URI1: variants seen among roughly 807,000 people sequenced by gnomAD.
URI1 encodes unconventional prefoldin RPB5 interactor 1.
URI1 carries 39 observed loss-of-function variants against 60.2 expected under a neutral mutation model. The ratio of observed to expected loss-of-function variants is 0.65; its 90% confidence interval spans 0.50 to 0.85. The LOEUF is 0.85. URI1 is among the 40% of genes least tolerant of loss of function. The pLI, the probability that URI1 is intolerant of heterozygous loss-of-function variation, is 0.00. For missense variants in URI1, 691 were observed against 665.9 expected, an observed-to-expected ratio of 1.04 and a Z score of -0.42; for synonymous variants, 251 against 236.8, an observed-to-expected ratio of 1.06 and a Z score of -0.55.
At position 29,942,565 on chromosome 19, in the gene URI1, G is replaced by A. The variant is rs777063203; in HGVS notation, c.18G>A (p.Val6=). The part of the protein sequence containing the change: MEAPT[V]ETPPDPSPPS... ...GGCCCGTCATGGAGGCGCCCACCGT[G>A]GAGACGCCCCCCGACCCCTCGCCCC... The change falls in exon 1 of 11, where the codon GTG becomes GTA. Residue 6 remains valine, a synonymous_variant. Coordinates refer to ENST00000392271, the MANE Select transcript of URI1 (RefSeq NM_003796.3). The A allele has an allele frequency of 2.1e-6, 3 of 1,422,770 alleles. No homozygotes were observed. Among genetic ancestry groups the A allele is most frequent in the Non-Finnish European group, 2.8e-6 (3 of 1,089,256 alleles). 88.1% of individuals were successfully genotyped at this position (1,422,770 alleles called of 1,614,324 possible).
intron 1 of URI1, among the ~76,000 whole-genome samples, chr19:29,954,441 C>A (rs2055217637): frequency 6.6e-6 from 1 of 150,764 alleles, no homozygotes. Flanking sequence ...ACAACTAAAT[C>A]AAAAGTTATC....
chr19:30,004,101 C>T (rs1364769209), intron 4 of URI1, among the ~76,000 whole-genome samples: 4 of 151,984 alleles, frequency 2.6e-5, no homozygotes, highest in African/African-American at 9.7e-5. Flanking sequence ...TCAGATTTGC[C>T]ATGGCAACCG....
intron 4 of URI1, among the ~76,000 whole-genome samples, chr19:29,996,213 A>G (rs1352833996): frequency 1.3e-5 from 2 of 151,998 alleles, no homozygotes; most frequent in Non-Finnish European, 2.9e-5. Context: ...TTGACATCCT[A>G]ATTATTAAAT....
chr19:29,972,984 G>C (rs1264487695), intron 2 of URI1, among the ~76,000 whole-genome samples: 2 of 152,018 alleles, frequency 1.3e-5, no homozygotes, highest in African/African-American at 2.4e-5. Context: ...TTTGGTTCAG[G>C]AAACAGACTT....
chr19:29,924,724 C>T (rs2054851014), intron 1 of URI1, among the ~76,000 whole-genome samples: 1 of 152,244 alleles, frequency 6.6e-6, no homozygotes, highest in Non-Finnish European at 1.5e-5. Context: ...CTGACCAGAC[C>T]ATGCCCCTGT....
rs162934 is a variant in URI1, at chr19:29,996,418, T to G, written c.368-8943T>G. On this transcript the variant is annotated intron_variant, in intron 4 of 10. Transcript: ENST00000392271. ...TGCATAGAAATGCAGTTGATTTTTGTGTGTTGATTTTGCATCCTGCAACTT... is the reference window on the plus strand; with the variant it reads ...TGCATAGAAATGCAGTTGATTTTTGGGTGTTGATTTTGCATCCTGCAACTT... Among the ~76,000 whole-genome samples, 1,381 of 152,284 alleles carry G rather than the reference T, an allele frequency of 9.1e-3. 29 individuals are homozygous for G. The highest frequency in any genetic ancestry group is 0.031 in the African/African-American group (1,309 of 41,566).
intron 1 of URI1, among the ~76,000 whole-genome samples, chr19:29,944,026 G>C (rs955514043): frequency 2.0e-5 from 3 of 149,110 alleles, no homozygotes; most frequent in African/African-American, 7.4e-5. Flanking sequence ...GTAGTCCCAC[G>C]TACTTGGGAG....
intron 8 of URI1, 64 bp from the exon 9 acceptor site, chr19:30,011,030 T>A: frequency 1.3e-6 from 2 of 1,535,826 alleles, no homozygotes; most frequent in Non-Finnish European, 1.8e-6. Flanking sequence ...AGAGTTTATT[T>A]GTTTTGGTTT....
At chr19:29,997,327 G>C (rs1350748277) in intron 4 of URI1, among the ~76,000 whole-genome samples, 2 of 152,080 alleles carry the variant, frequency 1.3e-5, no homozygotes, top group East Asian at 1.9e-4. Context: ...TATCAAACTT[G>C]TTGGCAGTCA....
intron 2 of URI1, among the ~76,000 whole-genome samples, chr19:29,977,138 T>C (rs1294492438): frequency 1.4e-5 from 2 of 147,970 alleles, no homozygotes; most frequent in East Asian, 2.0e-4. Flanking sequence ...CTCTCTCTCT[T>C]TTTTTTTTTT....
At chr19:30,008,850 T>G (rs1000830232) in intron 7 of URI1, among the ~76,000 whole-genome samples, 155 bp from the exon 8 acceptor site, 1 of 152,216 alleles carries the variant, frequency 6.6e-6, no homozygotes, top group Non-Finnish European at 1.5e-5. Context: ...TGTTAATTTA[T>G]TTCAAAACAT....
At chr19:30,010,212 G>C (rs533388306) in intron 8 of URI1, among the ~76,000 whole-genome samples, 1 of 152,194 alleles carries the variant, frequency 6.6e-6, no homozygotes, top group East Asian at 1.9e-4. Context: ...GCCTGTATCA[G>C]TTAAGGGTCT....
intron 4 of URI1, among the ~76,000 whole-genome samples, chr19:29,989,794 G>A (rs2055723278): frequency 6.6e-6 from 1 of 151,106 alleles, no homozygotes; most frequent in South Asian, 2.1e-4. Flanking sequence ...ATATATTCTG[G>A]ATTTATGTTA....
At position 30,009,222 on chromosome 19, in the gene URI1, GAT is replaced by G. The variant is rs1555747488; in HGVS notation, c.905_906del (p.Asp302GlyfsTer2). On this transcript the variant is annotated frameshift_variant, in exon 8 of 11. Coordinates refer to ENST00000392271, the MANE Select transcript of URI1 (RefSeq NM_003796.3). LOFTEE classifies it high-confidence loss of function. The part of the protein sequence containing the change: ...GSSSYHSDDD[D>X]DDDDDDDDDN... ...CAGTTCTTACCACAGTGATGATGAT[GAT>G]GATGATGATGATGACGACGACGACG... 1.9e-6 allele frequency: 3 copies of G among 1,611,798 alleles called. No individual in the cohort carries two copies. Among genetic ancestry groups the G allele is most frequent in the Admixed American group, 3.3e-5 (2 of 59,900 alleles).
intron 4 of URI1, among the ~76,000 whole-genome samples, chr19:29,989,268 G>A (rs2055712914): frequency 6.6e-6 from 1 of 151,680 alleles, no homozygotes; most frequent in Admixed American, 6.6e-5. Flanking sequence ...GCGCCACCAT[G>A]CCCGGCTAAT....
At chr19:29,927,936 G>A (rs2054883986) in intron 1 of URI1, among the ~76,000 whole-genome samples, 1 of 151,756 alleles carries the variant, frequency 6.6e-6, no homozygotes, top group South Asian at 2.1e-4. Flanking sequence ...AGTAGAATGT[G>A]GCTGAAGGGA....
chr19:29,924,404 GC>G (rs1305286545), intron 1 of URI1, among the ~76,000 whole-genome samples: 1 of 152,138 alleles, frequency 6.6e-6, no homozygotes, highest in Non-Finnish European at 1.5e-5. Context: ...AAGGACAGGA[GC>G]CCCCCATTGT....
chr19:29,931,157 C>T (rs2054913911), intron 1 of URI1, among the ~76,000 whole-genome samples: 1 of 151,638 alleles, frequency 6.6e-6, no homozygotes, highest in South Asian at 2.1e-4. Context: ...CCTACTTCTG[C>T]AAAAAAAATG....
rs534585553 is a variant in URI1, at chr19:29,993,612, TAGG to T, written c.367+7198_367+7200del. ...GAATACAGCTTTTTTTTTTAAGTGA[TAGG>T]AGAAGAAAGATTGTATGAGGTGCAT... On this transcript the variant is annotated intron_variant, in intron 4 of 10. Coordinates refer to ENST00000392271, the MANE Select transcript of URI1 (RefSeq NM_003796.3). Among the ~76,000 whole-genome samples, 15 of 152,170 alleles carry T rather than the reference TAGG, an allele frequency of 9.9e-5. No individual in the cohort carries two copies. In the East Asian group the frequency reaches 2.1e-3, roughly 22 times the overall value.
Sources: gnomAD v4.1 joint callset for allele counts (sites outside exome capture counted in the v4.1 genomes callset) on GRCh38, gnomAD v4.1.1 for gene constraint, MANE v1.5 for transcripts, NCBI Gene and HGNC (gene_info 2026-07-23, HGNC 2026-07-21) for gene names.